Variants in DLG2 observed in about 807,000 individuals in gnomAD.
DLG2 encodes the protein discs large MAGUK scaffold protein 2, also known as disks large homolog 2.
A neutral mutation model predicts 132.5 loss-of-function variants in DLG2; 45 were observed. That is an observed-to-expected ratio of 0.34 (90% CI 0.27 to 0.44). The LOEUF (loss-of-function observed/expected upper bound fraction) is 0.44, where lower values mean the gene tolerates loss of function less well. Ranked by LOEUF, DLG2 falls within the 20% of genes least tolerant of loss-of-function variation. DLG2 has a pLI of 1.00. For synonymous variants in DLG2, 424 were observed against 419.6 expected, an observed-to-expected ratio of 1.01 and a Z score of -0.13; for missense variants, 1,045 against 1,196.9, an observed-to-expected ratio of 0.87 and a Z score of 1.87.
At chr11:85,625,978 G>A (rs2082009954) in intron 2 of DLG2, among the ~76,000 whole-genome samples, 1 of 152,090 alleles carries the variant, frequency 6.6e-6, no homozygotes, top group Non-Finnish European at 1.5e-5. Flanking sequence ...GAGGAGGGAG[G>A]AAAAAAACAG....
chr11:84,013,634 C>T (rs898917195), intron 11 of DLG2, among the ~76,000 whole-genome samples: 9 of 151,728 alleles, frequency 5.9e-5, no homozygotes, highest in Non-Finnish European at 8.8e-5. Flanking sequence ...TTTGGGAGGC[C>T]GAGGTGGTTG....
At chr11:85,049,378 A>G (rs2062669210) in intron 6 of DLG2, among the ~76,000 whole-genome samples, 1 of 152,034 alleles carries the variant, frequency 6.6e-6, no homozygotes, top group East Asian at 1.9e-4. Context: ...TGGTCATCCT[A>G]TCTCTAGCAC....
At chr11:84,498,439 A>G (rs1226378868) in intron 7 of DLG2, among the ~76,000 whole-genome samples, 1 of 151,946 alleles carries the variant, frequency 6.6e-6, no homozygotes, top group Non-Finnish European at 1.5e-5. Flanking sequence ...TGTCACCACC[A>G]CCCCCACCAC....
chr11:85,308,662 CTAAA>C (rs1565302517), intron 3 of DLG2, among the ~76,000 whole-genome samples: 1 of 152,128 alleles, frequency 6.6e-6, no homozygotes, highest in Non-Finnish European at 1.5e-5. Context: ...ACACATCTGT[CTAAA>C]TAACCCCTCT....
chr11:83,758,844 A>C (rs1010064302), intron 18 of DLG2, among the ~76,000 whole-genome samples: 1 of 152,156 alleles, frequency 6.6e-6, no homozygotes, highest in African/African-American at 2.4e-5. Flanking sequence ...TGTATCATTT[A>C]TGTAATTTCT....
rs563909877 is a variant in DLG2, at chr11:84,323,623, C to T, written c.520-72332G>A. Among the ~76,000 whole-genome samples, 9 of 151,970 alleles carry T rather than the reference C, an allele frequency of 5.9e-5. No homozygotes were observed. In the South Asian group the frequency reaches 1.9e-3, roughly 32 times the overall value. On this transcript the variant is annotated intron_variant, in intron 7 of 27. Coordinates refer to ENST00000376104, the MANE Select transcript of DLG2 (RefSeq NM_001142699.3). ...TTTTTTGGGAACCTGCATACTGTTT[C>T]CCATAGCAACCGTACCATTTTACAT...
At chr11:84,919,585 T>C (rs1029851172) in intron 6 of DLG2, among the ~76,000 whole-genome samples, 1 of 152,178 alleles carries the variant, frequency 6.6e-6, no homozygotes, top group Non-Finnish European at 1.5e-5. Context: ...CTCTCTACCT[T>C]AGTTTTCTTA....
intron 7 of DLG2, chr11:84,317,407 G>T: frequency 7.7e-7 from 1 of 1,307,034 alleles, no homozygotes; most frequent in Non-Finnish European, 9.8e-7. Flanking sequence ...CCTGCTCTAG[G>T]CAGAAGCAAT....
chr11:85,449,795 T>TG (rs1429390075), intron 3 of DLG2, among the ~76,000 whole-genome samples: 8 of 151,466 alleles, frequency 5.3e-5, no homozygotes, highest in East Asian at 1.9e-4. Flanking sequence ...CTAAAGTTTT[T>TG]TTTTTTTTTT....
chr11:84,803,365 C>T (rs563693308), intron 6 of DLG2, among the ~76,000 whole-genome samples: 1 of 152,170 alleles, frequency 6.6e-6, no homozygotes, highest in East Asian at 1.9e-4. Context: ...GTTTTGTTTT[C>T]TTCTTTACAA....
chr11:83,733,133 C>T lies in DLG2; in HGVS notation c.1825+53557G>A, dbSNP rs970952086. On this transcript the variant is annotated intron_variant, in intron 18 of 27. Transcript: ENST00000376104. ...GTGGGTGCTCGTAATCCCAGCTACT[C>T]GGGAGGCTGAGGCAGGAGAATCACT... Among the ~76,000 whole-genome samples the T allele has an allele frequency of 3.6e-4, 53 of 145,552 alleles. 1 individual carries two copies. Among genetic ancestry groups the T allele is most frequent in the African/African-American group, 1.1e-3 (42 of 38,948 alleles).
At chr11:84,157,581 C>T (rs541690740) in intron 9 of DLG2, among the ~76,000 whole-genome samples, 2 of 152,302 alleles carry the variant, frequency 1.3e-5, no homozygotes, top group East Asian at 3.9e-4. Flanking sequence ...CAAGCATGAG[C>T]TGCTATGTCT....
chr11:83,780,714 C>A (rs4143315), intron 18 of DLG2, among the ~76,000 whole-genome samples: 58,869 of 151,832 alleles, frequency 0.39, 11,727 homozygotes, highest in Middle Eastern at 0.59. Context: ...TTTAGATGGG[C>A]GGGGTAGACA....
At chr11:84,467,118 G>A (rs1243963359) in intron 7 of DLG2, among the ~76,000 whole-genome samples, 1 of 151,274 alleles carries the variant, frequency 6.6e-6, no homozygotes, top group African/African-American at 2.4e-5. Flanking sequence ...ACTAAAAGGA[G>A]CTAGGACATC....
chr11:85,439,760 CAG>C (rs1399698872), intron 3 of DLG2, among the ~76,000 whole-genome samples: 1 of 151,986 alleles, frequency 6.6e-6, no homozygotes, highest in Non-Finnish European at 1.5e-5. Flanking sequence ...AAAGTAGTAA[CAG>C]AGTATAGAGT....
intron 9 of DLG2, among the ~76,000 whole-genome samples, chr11:84,136,563 G>A (rs1050818554): frequency 2.0e-5 from 3 of 152,062 alleles, no homozygotes; most frequent in African/African-American, 7.2e-5. Context: ...TGGTTTCATA[G>A]ACTCGAGAAG....
chr11:83,633,779 C>A (rs1287472783), intron 18 of DLG2, among the ~76,000 whole-genome samples: 1 of 148,646 alleles, frequency 6.7e-6, no homozygotes, highest in Non-Finnish European at 1.5e-5. Flanking sequence ...CACACACACA[C>A]ACAACTGCGG....
intron 4 of DLG2, among the ~76,000 whole-genome samples, chr11:85,171,470 G>C (rs375107427): frequency 2.0e-5 from 3 of 152,316 alleles, no homozygotes; most frequent in Middle Eastern, 3.4e-3. Flanking sequence ...GAGCTGTGTG[G>C]AAACTCCACA....
chr11:85,011,067 TA>T (rs2059113347), intron 6 of DLG2, among the ~76,000 whole-genome samples: 1 of 152,214 alleles, frequency 6.6e-6, no homozygotes, highest in Admixed American at 6.5e-5. Context: ...ACTTTTTCAC[TA>T]ATTGCCAATA....
Sources: gnomAD v4.1 joint callset for allele counts (sites outside exome capture counted in the v4.1 genomes callset) on GRCh38, gnomAD v4.1.1 for gene constraint, MANE v1.5 for transcripts, NCBI Gene and HGNC (gene_info 2026-07-23, HGNC 2026-07-21) for gene names.